The following NETO2 variants were observed in gnomAD, a reference collection of about 807,000 sequenced individuals.
NETO2 encodes the protein neuropilin and tolloid like 2.
Under a neutral mutation model 62.5 loss-of-function variants are expected in NETO2, and 28 were observed. That is an observed-to-expected ratio of 0.45 (90% CI 0.33 to 0.61). The LOEUF is 0.61. Ranked by LOEUF, NETO2 falls within the 20% of genes least tolerant of loss-of-function variation. The pLI, the probability that NETO2 is intolerant of heterozygous loss-of-function variation, is 0.02. For synonymous variants in NETO2, 214 were observed against 219.1 expected (o/e 0.98, Z 0.21); for missense variants, 548 against 643.2 (o/e 0.85, Z 1.60).
intron 1 of NETO2, among the ~76,000 whole-genome samples, chr16:47,133,599 C>T (rs1223782095): frequency 1.6e-5 from 2 of 122,524 alleles, no homozygotes; most frequent in African/African-American, 3.1e-5. Context: ...CATAAAATGA[C>T]ATAACATAAA....
rs753400184 is a variant in NETO2 at position 47,109,761 on chromosome 16, A to G, written c.655-50T>C. On this transcript the variant is annotated intron_variant, in intron 6 of 8. Transcript: ENST00000562435. ...GCTTTTAAAAAGATATATTAATTTGAATTTTTCTATTTCTATTTTCCACAG... is the reference window on the plus strand; with the variant it reads ...GCTTTTAAAAAGATATATTAATTTGGATTTTTCTATTTCTATTTTCCACAG... 65 of 1,337,284 alleles carry G rather than the reference A, an allele frequency of 4.9e-5. No individual in the cohort carries two copies. In the Middle Eastern group the frequency reaches 7.5e-4, roughly 15 times the overall value. 82.8% of individuals were successfully genotyped at this position (1,337,284 alleles called of 1,614,324 possible). A position where few individuals can be genotyped will look rare whatever the true frequency, so the allele number is the denominator to read the frequency against.
intron 3 of NETO2, 54 bp downstream of exon 3, chr16:47,129,170 T>C (rs1964214659): frequency 6.5e-7 from 1 of 1,548,984 alleles, no homozygotes; most frequent in Non-Finnish European, 8.9e-7. Context: ...TACCAACATA[T>C]TTAGTTTTAC....
chr16:47,087,215 G>A (rs990951554), intron 7 of NETO2, among the ~76,000 whole-genome samples: 5 of 151,986 alleles, frequency 3.3e-5, no homozygotes, highest in African/African-American at 7.2e-5. Context: ...TAGCAGAGAC[G>A]GGTTTTCACT....
intron 7 of NETO2, among the ~76,000 whole-genome samples, chr16:47,095,922 T>C (rs953285304): frequency 5.3e-5 from 8 of 152,054 alleles, no homozygotes; most frequent in Non-Finnish European, 1.0e-4. Flanking sequence ...ACAAAACAAG[T>C]CTTAATATAT....
intron 6 of NETO2, among the ~76,000 whole-genome samples, chr16:47,113,978 G>GT (rs1031846666): frequency 6.6e-6 from 1 of 152,034 alleles, no homozygotes; most frequent in African/African-American, 2.4e-5. Flanking sequence ...TTACTTATAG[G>GT]TTTTTTTCCA....
In NETO2 at chr16:47,122,856, A is replaced by G; in HGVS notation, c.526+12T>C. On this transcript the variant is annotated intron_variant, in intron 5 of 8. Transcript: ENST00000562435. ...AAAAATGCCAAGAGGAACAAGTGGT[A>G]ATATACTAAACCTGGAATGGGATTT... 6.2e-7 allele frequency: 1 copy of G among 1,614,054 alleles called. No individual in the cohort carries two copies. The highest frequency in any genetic ancestry group is 8.5e-7 in the Non-Finnish European group (1 of 1,179,952).
intron 7 of NETO2, among the ~76,000 whole-genome samples, chr16:47,104,065 G>A (rs1261186367): frequency 6.6e-6 from 1 of 152,074 alleles, no homozygotes; most frequent in Non-Finnish European, 1.5e-5. Context: ...AAATTGGAAA[G>A]GAAGATAAAA....
chr16:47,129,499 A>T (rs1031362893), intron 2 of NETO2, 135 bp from the exon 3 acceptor site: 1 of 872,586 alleles, frequency 1.1e-6, no homozygotes, highest in Admixed American at 2.5e-5. Context: ...TGTCAAATTT[A>T]GCACAATAAA....
intron 7 of NETO2, among the ~76,000 whole-genome samples, chr16:47,101,563 A>C (rs1305507914): frequency 6.6e-6 from 1 of 151,404 alleles, no homozygotes; most frequent in East Asian, 2.0e-4. Flanking sequence ...AATCTCCTTA[A>C]AGCTGATAAG....
Position 47,083,344 on chromosome 16 carries a change from G to C in NETO2, c.1455C>G (p.Phe485Leu). The C allele has an allele frequency of 6.2e-7, 1 of 1,614,232 alleles. No individual in the cohort carries two copies. Among genetic ancestry groups the C allele is most frequent in the Non-Finnish European group, 8.5e-7 (1 of 1,180,038 alleles). Residue 485 changes from phenylalanine (F) to leucine (L), a missense_variant, in exon 9 of 9, where the codon TTC becomes TTG. Coordinates refer to ENST00000562435, the MANE Select transcript of NETO2 (RefSeq NM_018092.5). ...GCTCAGGGCACTCATGTCCCTGTTT[G>C]AAAGTGTAACTACTTTTCTTGAAGG... ...NSTFKKSSYT[F>L]KQGHECPEQA...
intron 7 of NETO2, among the ~76,000 whole-genome samples, chr16:47,105,786 T>C (rs947411898): frequency 6.6e-6 from 1 of 152,174 alleles, no homozygotes; most frequent in African/African-American, 2.4e-5. Flanking sequence ...ACTTTACACA[T>C]ATTAGGATGG....
chr16:47,126,573 A>G (rs1964161409), intron 4 of NETO2, among the ~76,000 whole-genome samples: 1 of 152,192 alleles, frequency 6.6e-6, no homozygotes, highest in African/African-American at 2.4e-5. Flanking sequence ...TGCATTTGTC[A>G]AAACTCACAG....
chr16:47,087,234 C>T (rs1483339446), intron 7 of NETO2, among the ~76,000 whole-genome samples: 3 of 152,122 alleles, frequency 2.0e-5, no homozygotes, highest in South Asian at 2.1e-4. Context: ...CTATGTTGGC[C>T]AGGCTGGTCT....
intron 7 of NETO2, 90 bp downstream of exon 7, chr16:47,109,393 T>C (rs1405978375): frequency 1.4e-6 from 1 of 719,588 alleles, no homozygotes. Context: ...CATCCTAAAA[T>C]AAATATTTTA....
At chr16:47,128,846 T>C (rs962650792) in intron 3 of NETO2, among the ~76,000 whole-genome samples, 1 of 152,166 alleles carries the variant, frequency 6.6e-6, no homozygotes, top group South Asian at 2.1e-4. Flanking sequence ...AGCTAATACT[T>C]AGTTCAAGAT....
At chr16:47,088,692 G>A (rs1021471016) in intron 7 of NETO2, among the ~76,000 whole-genome samples, 1 of 151,800 alleles carries the variant, frequency 6.6e-6, no homozygotes, top group African/African-American at 2.4e-5. Context: ...AAACAGCCAC[G>A]AGCATTATTT....
chr16:47,079,719 C>T lies in NETO2; in HGVS notation c.*3502G>A, dbSNP rs1963029694. 6.6e-6 allele frequency: 1 copy of T among 152,210 alleles called. No homozygotes were observed. Among genetic ancestry groups the T allele is most frequent in the Non-Finnish European group, 1.5e-5 (1 of 68,060 alleles). 9.4% of individuals were successfully genotyped at this position (152,210 alleles called of 1,614,324 possible). A position where few individuals can be genotyped will look rare whatever the true frequency, so the allele number is the denominator to read the frequency against. On this transcript the variant is annotated 3_prime_UTR_variant, in exon 9 of 9. Coordinates refer to ENST00000562435, the MANE Select transcript of NETO2 (RefSeq NM_018092.5). ...GGTCTTTCTTGGATCTTTAAAACCA[C>T]CAAAAACTCAATGATCCTTCTGGGT...
chr16:47,090,245 C>T (rs1963284655), intron 7 of NETO2, among the ~76,000 whole-genome samples: 1 of 152,104 alleles, frequency 6.6e-6, no homozygotes, highest in African/African-American at 2.4e-5. Flanking sequence ...CAACTGCTCT[C>T]CATATTATTT....
At chr16:47,130,215 T>C (rs920322080) in intron 2 of NETO2, among the ~76,000 whole-genome samples, 2 of 152,148 alleles carry the variant, frequency 1.3e-5, no homozygotes, top group Non-Finnish European at 1.5e-5. Flanking sequence ...GGTCAGATAT[T>C]GAGCCTTTAA....
Sources: allele counts gnomAD v4.1 joint callset (sites outside exome capture counted in the v4.1 genomes callset), GRCh38; gene constraint gnomAD v4.1.1; transcripts MANE v1.5; gene names NCBI Gene and HGNC (gene_info 2026-07-23, HGNC 2026-07-21).